The following C4orf33 variants were observed in gnomAD, a reference collection of about 807,000 sequenced individuals.
C4orf33 encodes UPF0462 protein C4orf33.
A neutral mutation model predicts 24.3 loss-of-function variants in C4orf33; 20 were observed. The observed-to-expected ratio is 0.82, with a 90% CI of 0.58 to 1.19. The LOEUF (loss-of-function observed/expected upper bound fraction) is 1.19, where lower values mean the gene tolerates loss of function less well. Among genes scored for constraint, C4orf33 ranks in the 50% most tolerant of loss-of-function variants. The pLI is 0.00. For missense variants in C4orf33, 207 were observed against 225.9 expected, an observed-to-expected ratio of 0.92 and a Z score of 0.54; for synonymous variants, 67 against 76.4, an observed-to-expected ratio of 0.88 and a Z score of 0.64.
intron 1 of C4orf33, chr4:129,102,042 C>T (rs1180712579): frequency 1.5e-5 from 2 of 131,416 alleles, no homozygotes; most frequent in African/African-American, 5.2e-5. Context: ...AGCACTTCTT[C>T]TACTGATTTA....
intron 2 of C4orf33, 105 bp from the exon 3 acceptor site, chr4:129,106,482 A>G (rs576800183): frequency 1.7e-6 from 1 of 604,494 alleles, no homozygotes; most frequent in Admixed American, 3.7e-5. Context: ...GGATAGTATT[A>G]TAATTAAGAA....
chr4:129,102,764 C>G lies in C4orf33; in HGVS notation c.154C>G (p.Pro52Ala). ...PPAPLGEPGK[P>A]FNELWDYEVV... The stretch of plus-strand genomic sequence containing the variant: ...AGCCCCACTTGGAGAACCAGGAAAA[C>G]CTTTCAATGAACTGTGGGATTATGA... Residue 52 changes from proline (P) to alanine (A), a missense_variant, in exon 2 of 6, where the codon CCT becomes GCT. Pro to Ala is a conservative substitution (Grantham distance 27, BLOSUM62 -1). Coordinates refer to ENST00000425929, the MANE Select transcript of C4orf33 (RefSeq NM_001099783.2). 1 of 1,613,524 alleles carries G rather than the reference C, an allele frequency of 6.2e-7. No individual in the cohort carries two copies. The highest frequency in any genetic ancestry group is 8.5e-7 in the Non-Finnish European group (1 of 1,179,802).
chr4:129,103,238 C>G (rs931052100), intron 2 of C4orf33, among the ~76,000 whole-genome samples: 2 of 152,010 alleles, frequency 1.3e-5, no homozygotes, highest in African/African-American at 4.8e-5. Flanking sequence ...CCAGGATGGT[C>G]TCGATCTCCT....
At chr4:129,101,298 C>T (rs1306775041) in intron 1 of C4orf33, among the ~76,000 whole-genome samples, 2 of 152,096 alleles carry the variant, frequency 1.3e-5, no homozygotes, top group African/African-American at 2.4e-5. Context: ...AATACGTATT[C>T]ACTGAATTAA....
chr4:129,110,790 C>T (rs558465923), intron 5 of C4orf33, among the ~76,000 whole-genome samples: 60 of 152,188 alleles, frequency 3.9e-4, no homozygotes, highest in Non-Finnish European at 7.8e-4. Flanking sequence ...CCTTTCTCCC[C>T]AATCCTGACA....
At position 129,111,811 on chromosome 4, in the gene C4orf33, C is replaced by A; in HGVS notation, c.*20C>A. ...ATATAGGAGTAATAGATAACCATACCGATCATTTTTTCCTCTATACCTTTT... is the reference window on the plus strand; with the variant it reads ...ATATAGGAGTAATAGATAACCATACAGATCATTTTTTCCTCTATACCTTTT... On this transcript the variant is annotated 3_prime_UTR_variant, in exon 6 of 6. Coordinates refer to ENST00000425929, the MANE Select transcript of C4orf33 (RefSeq NM_001099783.2). The A allele has an allele frequency of 7.1e-7, 1 of 1,418,056 alleles. No individual in the cohort carries two copies. Among genetic ancestry groups the A allele is most frequent in the South Asian group, 1.2e-5 (1 of 81,460 alleles). 87.8% of individuals were successfully genotyped at this position (1,418,056 alleles called of 1,614,324 possible).
rs1753763435 is a variant in C4orf33 at position 129,115,791 on chromosome 4, C to T, written c.*4000C>T. On this transcript the variant is annotated 3_prime_UTR_variant, in exon 6 of 6. Coordinates refer to ENST00000425929, the MANE Select transcript of C4orf33 (RefSeq NM_001099783.2). ...CAAGAGGAATATGTGCCTAACAAAT[C>T]TTCTAACTAAATATATATATATATA... is the stretch of plus-strand genomic sequence containing the variant. The T allele has an allele frequency of 8.5e-6, 1 of 117,486 alleles. No individual in the cohort carries two copies. Among genetic ancestry groups the T allele is most frequent in the African/African-American group, 3.2e-5 (1 of 31,630 alleles). The allele number at this position is 117,486 out of a possible 1,614,324, so 7.3% of individuals were successfully genotyped here. A position where few individuals can be genotyped will look rare whatever the true frequency, so the allele number is the denominator to read the frequency against.
intron 2 of C4orf33, among the ~76,000 whole-genome samples, chr4:129,105,448 TA>T (rs1753489268): frequency 6.6e-6 from 1 of 152,220 alleles, no homozygotes; most frequent in Non-Finnish European, 1.5e-5. Context: ...ATGGCCTAGT[TA>T]AGTTGACAGA....
Position 129,112,044 on chromosome 4 carries a change from C to T in C4orf33, c.*253C>T. On this transcript the variant is annotated 3_prime_UTR_variant, in exon 6 of 6. Coordinates refer to ENST00000425929, the MANE Select transcript of C4orf33 (RefSeq NM_001099783.2). ...TTAGTCCAGGATGTTGCATTCCCAG[C>T]ACACAGTACAGTTATTCTTGAAAAC... is the stretch of plus-strand genomic sequence containing the variant. 3.1e-6 allele frequency: 1 copy of T among 319,564 alleles called. No individual in the cohort carries two copies. Among genetic ancestry groups the T allele is most frequent in the Non-Finnish European group, 5.8e-6 (1 of 172,942 alleles). 19.8% of individuals were successfully genotyped at this position (319,564 alleles called of 1,614,324 possible).
Position 129,109,507 on chromosome 4 carries a change from G to A in C4orf33, c.329G>A (p.Gly110Glu). ...ELPLSFRMSRGETKWEGKAYL... is the reference protein window; with the variant it reads ...ELPLSFRMSREETKWEGKAYL... ...CCTTTATCGTTCAGAATGTCCAGAGGAGAGACAAAATGGGAAGGCAAAGCT... is the reference window on the plus strand; with the variant it reads ...CCTTTATCGTTCAGAATGTCCAGAGAAGAGACAAAATGGGAAGGCAAAGCT... The change falls in exon 5 of 6, where the codon GGA becomes GAA. Residue 110 changes from glycine to glutamate, a missense_variant. Transcript: ENST00000425929. 1 of 1,613,794 alleles carries A rather than the reference G, an allele frequency of 6.2e-7. No individual in the cohort carries two copies. Among genetic ancestry groups the A allele is most frequent in the Non-Finnish European group, 8.5e-7 (1 of 1,179,734 alleles).
Position 129,114,583 on chromosome 4 carries a change from G to A in C4orf33, c.*2792G>A, listed in dbSNP as rs1196915787. ...GCTAAGTCAGTGATTACCTAAAGCA[G>A]CCCTAGAAAGCCGTTCGTCAGGATG... is the stretch of plus-strand genomic sequence containing the variant. On this transcript the variant is annotated 3_prime_UTR_variant, in exon 6 of 6. Coordinates refer to ENST00000425929, the MANE Select transcript of C4orf33 (RefSeq NM_001099783.2). 1 of 152,190 alleles carries A rather than the reference G, an allele frequency of 6.6e-6. No homozygotes were observed. The highest frequency in any genetic ancestry group is 1.5e-5 in the Non-Finnish European group (1 of 68,072). 9.4% of individuals were successfully genotyped at this position (152,190 alleles called of 1,614,324 possible). A position where few individuals can be genotyped will look rare whatever the true frequency, so the allele number is the denominator to read the frequency against.
rs1050030117 is a variant in C4orf33, at chr4:129,109,374, TAGG to T, written c.294+20_294+22del. 6.2e-7 allele frequency: 1 copy of T among 1,612,146 alleles called. No individual in the cohort carries two copies. Among genetic ancestry groups the T allele is most frequent in the Non-Finnish European group, 8.5e-7 (1 of 1,178,318 alleles). ...TGTGTGGAAAGTAAGTAAATAAAAA[TAGG>T]AGGCAAAATCATTACGTACACAGTA... On this transcript the variant is annotated intron_variant, in intron 4 of 5. Transcript: ENST00000425929.
At position 129,115,822 on chromosome 4, in the gene C4orf33, A is replaced by AATATATATGTTTATATATTATG. The variant is rs1554010304; in HGVS notation, c.*4031_*4032insATATATATGTTTATATATTATG. On this transcript the variant is annotated 3_prime_UTR_variant, in exon 6 of 6. Transcript: ENST00000425929. The stretch of plus-strand genomic sequence containing the variant: ...ACTAAATATATATATATATATATAT[A>AATATATATGTTTATATATTATG]TATATATAAAATATATATGTTTATA... 1 of 92,698 alleles carries AATATATATGTTTATATATTATG rather than the reference A, an allele frequency of 1.1e-5. No homozygotes were observed. Among genetic ancestry groups the AATATATATGTTTATATATTATG allele is most frequent in the African/African-American group, 3.8e-5 (1 of 26,526 alleles). 5.7% of individuals were successfully genotyped at this position (92,698 alleles called of 1,614,324 possible). A position where few individuals can be genotyped will look rare whatever the true frequency, so the allele number is the denominator to read the frequency against.
chr4:129,105,845 A>G (rs1448806052), intron 2 of C4orf33, among the ~76,000 whole-genome samples: 1 of 152,196 alleles, frequency 6.6e-6, no homozygotes, highest in Non-Finnish European at 1.5e-5. Flanking sequence ...AAATTTCCAG[A>G]AAATTATAAA....
rs1753769470 is a variant in C4orf33, at chr4:129,115,833, A to ATG, written c.*4043_*4044insGT. On this transcript the variant is annotated 3_prime_UTR_variant, in exon 6 of 6. Coordinates refer to ENST00000425929, the MANE Select transcript of C4orf33 (RefSeq NM_001099783.2). The stretch of plus-strand genomic sequence containing the variant: ...ATATATATATATATATATATATAAA[A>ATG]TATATATGTTTATATATAACATATA... The ATG allele has an allele frequency of 7.4e-6, 1 of 135,548 alleles. No individual in the cohort carries two copies. Among genetic ancestry groups the ATG allele is most frequent in the Non-Finnish European group, 1.6e-5 (1 of 63,276 alleles). 8.4% of individuals were successfully genotyped at this position (135,548 alleles called of 1,614,324 possible).
intron 4 of C4orf33, 56 bp from the exon 5 acceptor site, chr4:129,109,417 A>G: frequency 6.3e-6 from 10 of 1,593,982 alleles, no homozygotes; most frequent in Admixed American, 3.3e-5. Flanking sequence ...ACATATTTCT[A>G]TGTTTAAAGT....
chr4:129,108,138 G>C (rs1159968851), intron 3 of C4orf33, among the ~76,000 whole-genome samples: 1 of 152,020 alleles, frequency 6.6e-6, no homozygotes. Context: ...GTACTCCTAA[G>C]GCTGCATAAT....
intron 1 of C4orf33, among the ~76,000 whole-genome samples, chr4:129,097,480 A>G (rs541687199): frequency 1.6e-4 from 25 of 152,204 alleles, no homozygotes; most frequent in Non-Finnish European, 3.1e-4. Flanking sequence ...ACTTCACAAC[A>G]TATTTTAGCA....
chr4:129,114,282 G>T lies in C4orf33; in HGVS notation c.*2491G>T, dbSNP rs1230517536. The T allele has an allele frequency of 2.0e-5, 3 of 152,148 alleles. No homozygotes were observed. The highest frequency in any genetic ancestry group is 7.2e-5 in the African/African-American group (3 of 41,424). The allele number at this position is 152,148 out of a possible 1,614,324, so 9.4% of individuals were successfully genotyped here. ...CATGGGGCACCTCTTGACCAAAGAGGGTGGGAGTTGATGGATAACTACTTC... is the reference window on the plus strand; with the variant it reads ...CATGGGGCACCTCTTGACCAAAGAGTGTGGGAGTTGATGGATAACTACTTC... On this transcript the variant is annotated 3_prime_UTR_variant, in exon 6 of 6. Transcript: ENST00000425929.
Sources: gnomAD v4.1 joint callset for allele counts (sites outside exome capture counted in the v4.1 genomes callset) on GRCh38, gnomAD v4.1.1 for gene constraint, MANE v1.5 for transcripts, NCBI Gene and HGNC (gene_info 2026-07-23, HGNC 2026-07-21) for gene names.